Variants in CCDC122 observed in about 807,000 individuals in gnomAD.
The protein encoded by CCDC122 is coiled-coil domain-containing protein 122.
CCDC122 carries 38 observed loss-of-function variants against 37.0 expected under a neutral mutation model. The observed-to-expected ratio is 1.03, with a 90% CI of 0.79 to 1.35. The LOEUF is 1.35. CCDC122 is among the 40% of genes most tolerant of loss of function. CCDC122 has a pLI of 0.00. For synonymous variants in CCDC122, 83 were observed against 95.6 expected, an observed-to-expected ratio of 0.87 and a Z score of 0.77; for missense variants, 305 against 310.0, an observed-to-expected ratio of 0.98 and a Z score of 0.12.
At chr13:43,822,346 G>A (rs1479513893), downstream of CCDC122, among the ~76,000 whole-genome samples, 2 of 152,198 alleles carry the variant, frequency 1.3e-5, no homozygotes, top group South Asian at 2.1e-4. Flanking sequence ...TGGGGGTGGG[G>A]AACACAGGCT....
At chr13:43,829,373 T>C (rs1319256377) in intron 3 of CCDC122, among the ~76,000 whole-genome samples, 1 of 152,200 alleles carries the variant, frequency 6.6e-6, no homozygotes, top group Admixed American at 6.5e-5. Context: ...TGGTGCGATC[T>C]CGGCTCACTG....
At chr13:43,876,708 C>T (rs760724180) in intron 1 of CCDC122, among the ~76,000 whole-genome samples, 3 of 152,270 alleles carry the variant, frequency 2.0e-5, no homozygotes, top group East Asian at 1.9e-4. Flanking sequence ...ATTGTGCTTT[C>T]GTAACTTAAT....
chr13:43,823,159 A>G (rs1300541650), downstream of CCDC122, among the ~76,000 whole-genome samples: 3 of 152,016 alleles, frequency 2.0e-5, no homozygotes, highest in Non-Finnish European at 4.4e-5. Flanking sequence ...GCAGGTGATG[A>G]ATCCTACCAG....
intron 1 of CCDC122, among the ~76,000 whole-genome samples, chr13:43,879,115 T>G (rs979460696): frequency 1.3e-5 from 2 of 151,980 alleles, no homozygotes; most frequent in Non-Finnish European, 2.9e-5. Context: ...TCAGCTCGCT[T>G]GGGAAACGGC....
chr13:43,821,172 C>A (rs1391594332), downstream of CCDC122, among the ~76,000 whole-genome samples: 2 of 152,188 alleles, frequency 1.3e-5, no homozygotes, highest in Non-Finnish European at 2.9e-5. Context: ...CTACTCGCTG[C>A]TCAATATCCT....
chr13:43,850,352 A>G (rs1332050389), intron 6 of CCDC122, among the ~76,000 whole-genome samples: 6 of 152,246 alleles, frequency 3.9e-5, no homozygotes, highest in Non-Finnish European at 7.3e-5. Context: ...CCACACGAAC[A>G]TAACACAGAA....
chr13:43,824,674 G>T (rs1339497509), intron 3 of CCDC122, among the ~76,000 whole-genome samples: 1 of 152,066 alleles, frequency 6.6e-6, no homozygotes, highest in Non-Finnish European at 1.5e-5. Flanking sequence ...CTAATATTCA[G>T]AATCTTTAAG....
intron 6 of CCDC122, among the ~76,000 whole-genome samples, chr13:43,838,215 T>C (rs1263452717): frequency 6.6e-6 from 1 of 152,216 alleles, no homozygotes; most frequent in Non-Finnish European, 1.5e-5. Context: ...TCTAAAGTTT[T>C]ATATTTATCA....
intron 6 of CCDC122, among the ~76,000 whole-genome samples, chr13:43,846,710 C>T (rs1953549129): frequency 6.6e-6 from 1 of 152,180 alleles, no homozygotes; most frequent in African/African-American, 2.4e-5. Flanking sequence ...AGCTTATAAG[C>T]ATTCTAATTG....
chr13:43,840,642 T>C (rs1028983301), intron 6 of CCDC122, among the ~76,000 whole-genome samples: 4 of 152,104 alleles, frequency 2.6e-5, no homozygotes, highest in Non-Finnish European at 4.4e-5. Flanking sequence ...GTGTTTGGTT[T>C]TTTGTCTTGC....
chr13:43,859,566 C>T (rs1954037727), intron 5 of CCDC122, 106 bp downstream of exon 5: 5 of 856,942 alleles, frequency 5.8e-6, no homozygotes, highest in South Asian at 2.9e-5. Flanking sequence ...GGTAATAGGA[C>T]AGCTATGGGC....
At chr13:43,851,906 A>G (rs1357909340) in intron 6 of CCDC122, among the ~76,000 whole-genome samples, 1 of 151,912 alleles carries the variant, frequency 6.6e-6, no homozygotes, top group African/African-American at 2.4e-5. Context: ...AGATGAATCC[A>G]CCTAATATAA....
chr13:43,837,578 A>C, intron 6 of CCDC122, 149 bp from the exon 7 acceptor site: 1 of 668,144 alleles, frequency 1.5e-6, no homozygotes, highest in East Asian at 2.9e-5. Flanking sequence ...CAGTAATTGT[A>C]AAACTGTTTA....
intron 6 of CCDC122, among the ~76,000 whole-genome samples, chr13:43,839,001 A>T (rs1436965783): frequency 2.6e-5 from 4 of 152,194 alleles, no homozygotes; most frequent in Non-Finnish European, 1.5e-5. Flanking sequence ...CCCTTGAGTA[A>T]GATTTACAGT....
intron 4 of CCDC122, among the ~76,000 whole-genome samples, chr13:43,863,863 A>T (rs947548869): frequency 1.2e-4 from 19 of 152,180 alleles, no homozygotes; most frequent in South Asian, 2.1e-4. Flanking sequence ...AAGTTTAAAA[A>T]TTTTTTTGGA....
chr13:43,837,948 C>G (rs1953220374), intron 6 of CCDC122, among the ~76,000 whole-genome samples: 1 of 152,180 alleles, frequency 6.6e-6, no homozygotes, highest in African/African-American at 2.4e-5. Flanking sequence ...AGCTGAGACT[C>G]AGTCGACCAC....
chr13:43,832,674 T>C (rs1479274778), downstream of CCDC122, among the ~76,000 whole-genome samples: 1 of 152,160 alleles, frequency 6.6e-6, no homozygotes, highest in Admixed American at 6.6e-5. Context: ...ATAGATTAAA[T>C]GTATAAATAA....
intron 2 of CCDC122, among the ~76,000 whole-genome samples, chr13:43,872,128 T>C (rs900192348): frequency 7.2e-5 from 11 of 152,096 alleles, no homozygotes; most frequent in Non-Finnish European, 1.3e-4. Flanking sequence ...TTTATTCTTC[T>C]AGCTCATCCC....
At chr13:43,828,142 G>A (rs974344990) in intron 3 of CCDC122, among the ~76,000 whole-genome samples, 2 of 152,118 alleles carry the variant, frequency 1.3e-5, no homozygotes, top group African/African-American at 2.4e-5. Context: ...GGCATTACAT[G>A]CTCAATTTTT....
Sources: gnomAD v4.1 joint callset for allele counts (sites outside exome capture counted in the v4.1 genomes callset) on GRCh38, gnomAD v4.1.1 for gene constraint, MANE v1.5 for transcripts, NCBI Gene and HGNC (gene_info 2026-07-23, HGNC 2026-07-21) for gene names.